The following LIPI variants were observed in gnomAD, a reference collection of about 807,000 sequenced individuals.
LIPI encodes lipase member I.
Under a neutral mutation model 50.6 loss-of-function variants are expected in LIPI, and 59 were observed. That is an observed-to-expected ratio of 1.16 (90% CI 0.94 to 1.45). The LOEUF (loss-of-function observed/expected upper bound fraction) is 1.45, where lower values mean the gene tolerates loss of function less well. LIPI is among the 40% of genes most tolerant of loss of function. LIPI has a pLI of 0.00. For synonymous variants in LIPI, 203 were observed against 178.2 expected (o/e 1.14, Z -1.11); for missense variants, 586 against 536.3 (o/e 1.09, Z -0.92).
intron 7 of LIPI, among the ~76,000 whole-genome samples, chr21:14,158,181 T>A (rs185583970): frequency 6.6e-6 from 1 of 151,914 alleles, no homozygotes; most frequent in East Asian, 1.9e-4. Context: ...ACATGAAGCA[T>A]GAGCCTAAAG....
At chr21:14,119,487 G>A (rs897046723) in intron 9 of LIPI, among the ~76,000 whole-genome samples, 1 of 152,160 alleles carries the variant, frequency 6.6e-6, no homozygotes, top group Admixed American at 6.5e-5. Flanking sequence ...CAGACACAAG[G>A]CGGCAAGTGC....
chr21:14,186,674 G>C (rs918723347), intron 2 of LIPI, among the ~76,000 whole-genome samples: 1 of 152,204 alleles, frequency 6.6e-6, no homozygotes, highest in African/African-American at 2.4e-5. Flanking sequence ...CCAAGGTGAT[G>C]ATATTTGGAG....
At chr21:14,181,396 C>T (rs965120820) in intron 4 of LIPI, among the ~76,000 whole-genome samples, 13 of 151,936 alleles carry the variant, frequency 8.6e-5, no homozygotes, top group Non-Finnish European at 1.2e-4. Flanking sequence ...AGAAAATAAG[C>T]GGGGAGAATG....
intron 9 of LIPI, among the ~76,000 whole-genome samples, chr21:14,115,646 CCCAG>C (rs1003853528): frequency 5.3e-5 from 8 of 152,122 alleles, no homozygotes; most frequent in Non-Finnish European, 1.0e-4. Context: ...AGTAACACAG[CCCAG>C]AAGGAGAACG....
chr21:14,195,950 T>C lies in LIPI; in HGVS notation c.47-6531A>G, dbSNP rs575179349. On this transcript the variant is annotated intron_variant, in intron 1 of 9. Coordinates refer to ENST00000681601, the MANE Select transcript of LIPI (RefSeq NM_001302998.2). ...TAACATTAAAAACTGACAAAACCAA[T>C]GAGGATGTAAAGCAACTGAAACCCT... Among the ~76,000 whole-genome samples, 3 of 152,022 alleles carry C rather than the reference T, an allele frequency of 2.0e-5. No homozygotes were observed. The South Asian group carries it at 6.2e-4, about 32-fold the overall frequency.
intron 6 of LIPI, among the ~76,000 whole-genome samples, chr21:14,164,238 A>G (rs745565077): frequency 2.0e-5 from 3 of 152,044 alleles, no homozygotes; most frequent in Non-Finnish European, 2.9e-5. Context: ...CAGAGGTTTT[A>G]CTCAAGTTCT....
Position 14,181,879 on chromosome 21 carries a change from T to C in LIPI, c.542-20A>G, listed in dbSNP as rs377507652. 5 of 1,397,274 alleles carry C rather than the reference T, an allele frequency of 3.6e-6. No individual in the cohort carries two copies. In the South Asian group the frequency reaches 4.7e-5, roughly 13 times the overall value. 86.6% of individuals were successfully genotyped at this position (1,397,274 alleles called of 1,614,324 possible). On this transcript the variant is annotated intron_variant, in intron 3 of 9. Transcript: ENST00000681601. ...CAAGACCTGGAAAGCAAGAAAGAAATAATCAGTCTCATCAAGTCCACAGAG... is the reference window on the plus strand; with the variant it reads ...CAAGACCTGGAAAGCAAGAAAGAAACAATCAGTCTCATCAAGTCCACAGAG...
In LIPI at chr21:14,174,950, G is replaced by A. The variant is rs2019043898; in HGVS notation, c.643+6808C>T. ...TATGAACTTACTCATATTTTATGTA[G>A]GCTTTTGTTTCTGGCTTTTTAGATT... On this transcript the variant is annotated intron_variant, in intron 4 of 9. Transcript: ENST00000681601. Among the ~76,000 whole-genome samples, 10 of 152,292 alleles carry A rather than the reference G, an allele frequency of 6.6e-5. No homozygotes were observed. In the South Asian group the frequency reaches 2.1e-3, roughly 32 times the overall value.
chr21:14,202,443 C>T (rs1272798852), intron 1 of LIPI, among the ~76,000 whole-genome samples: 1 of 152,134 alleles, frequency 6.6e-6, no homozygotes, highest in Admixed American at 6.6e-5. Flanking sequence ...TACTACAAGG[C>T]TACAGTATCC....
chr21:14,208,088 A>G (rs1244725274), intron 1 of LIPI, among the ~76,000 whole-genome samples: 4 of 152,204 alleles, frequency 2.6e-5, no homozygotes, highest in Non-Finnish European at 4.4e-5. Context: ...AAGAAAAATT[A>G]ATCGTGGATC....
At chr21:14,166,287 AG>A (rs2018679919) in intron 5 of LIPI, 74 bp downstream of exon 5, 1 of 878,048 alleles carries the variant, frequency 1.1e-6, no homozygotes, top group Non-Finnish European at 1.9e-6. Context: ...CTACAGATTA[AG>A]AGGGGAAAAG....
At chr21:14,144,568 C>T in intron 9 of LIPI, 55 bp downstream of exon 9, 2 of 954,356 alleles carry the variant, frequency 2.1e-6, no homozygotes, top group Non-Finnish European at 3.3e-6. Context: ...CTTAAGAAAC[C>T]AATATTTTCA....
At chr21:14,119,434 C>T (rs2016780065) in intron 9 of LIPI, among the ~76,000 whole-genome samples, 1 of 152,260 alleles carries the variant, frequency 6.6e-6, no homozygotes, top group Non-Finnish European at 1.5e-5. Flanking sequence ...GCAGCATGAG[C>T]TTGGGTGGGA....
chr21:14,110,910 A>G (rs2016384122), intron 9 of LIPI, among the ~76,000 whole-genome samples: 1 of 148,258 alleles, frequency 6.7e-6, no homozygotes, highest in African/African-American at 2.5e-5. Flanking sequence ...TGCATACTAT[A>G]TTTTTAATAT....
At chr21:14,186,506 AAAT>A (rs1355153822) in intron 2 of LIPI, among the ~76,000 whole-genome samples, 1 of 152,338 alleles carries the variant, frequency 6.6e-6, no homozygotes, top group South Asian at 2.1e-4. Context: ...AATGCTAAAT[AAAT>A]AATATTGGAT....
intron 6 of LIPI, among the ~76,000 whole-genome samples, chr21:14,164,517 G>A (rs549616600): frequency 5.3e-5 from 8 of 152,032 alleles, no homozygotes; most frequent in East Asian, 1.9e-4. Flanking sequence ...CCTATTCCTC[G>A]AACCCCTTTG....
intron 4 of LIPI, among the ~76,000 whole-genome samples, chr21:14,178,428 A>C (rs570751634): frequency 6.6e-6 from 1 of 152,032 alleles, no homozygotes; most frequent in Admixed American, 6.6e-5. Context: ...TTTACTTTTC[A>C]CCTACTTTTT....
At chr21:14,159,793 C>T in intron 7 of LIPI, among the ~76,000 whole-genome samples, 1 of 151,172 alleles carries the variant, frequency 6.6e-6, no homozygotes. Flanking sequence ...CAGCAAGTTC[C>T]CAGGAAACAA....
chr21:14,116,302 G>A (rs2016635262), intron 9 of LIPI, among the ~76,000 whole-genome samples: 1 of 152,088 alleles, frequency 6.6e-6, no homozygotes, highest in Non-Finnish European at 1.5e-5. Flanking sequence ...GGCGAGTGTG[G>A]GATGAGCCAG....
Sources: allele counts gnomAD v4.1 joint callset (sites outside exome capture counted in the v4.1 genomes callset), GRCh38; gene constraint gnomAD v4.1.1; transcripts MANE v1.5; gene names NCBI Gene and HGNC (gene_info 2026-07-23, HGNC 2026-07-21).